The following SCN9A variants were observed in gnomAD, a reference collection of about 807,000 sequenced individuals.
The protein encoded by SCN9A is sodium channel protein type 9 subunit alpha.
In SCN9A, 131 loss-of-function variants were observed where a neutral mutation model predicts 187.0. The observed-to-expected ratio is 0.70, with a 90% confidence interval of 0.61 to 0.81. The LOEUF (loss-of-function observed/expected upper bound fraction) is 0.81, where lower values mean the gene tolerates loss of function less well. Among genes scored for constraint, SCN9A ranks in the 30% least tolerant of loss-of-function variants. The pLI is 0.00. For missense variants in SCN9A, 2,252 were observed against 2,396.6 expected, an observed-to-expected ratio of 0.94 and a Z score of 1.26; for synonymous variants, 809 against 808.6, an observed-to-expected ratio of 1.00 and a Z score of -0.01.
intron 1 of SCN9A, among the ~76,000 whole-genome samples, chr2:166,347,609 G>C (rs886940822): frequency 1.3e-5 from 2 of 152,184 alleles, no homozygotes; most frequent in Non-Finnish European, 1.5e-5. Flanking sequence ...TAAATGCTTT[G>C]TAATTAACTA....
intron 24 of SCN9A, among the ~76,000 whole-genome samples, chr2:166,217,294 C>G (rs898390311): frequency 1.1e-4 from 17 of 152,026 alleles, no homozygotes; most frequent in African/African-American, 4.1e-4. Context: ...TGACATTTAT[C>G]TGGGCAAGGA....
intron 1 of SCN9A, among the ~76,000 whole-genome samples, chr2:166,330,380 T>C (rs1364014409): frequency 6.6e-6 from 1 of 152,232 alleles, no homozygotes; most frequent in African/African-American, 2.4e-5. Context: ...GAAAATTGAA[T>C]ATTGTACACA....
At chr2:166,363,678 A>G (rs887558227) in intron 1 of SCN9A, among the ~76,000 whole-genome samples, 1 of 152,096 alleles carries the variant, frequency 6.6e-6, no homozygotes, top group Non-Finnish European at 1.5e-5. Context: ...TCTACGAATT[A>G]TATAGGAATT....
intron 1 of SCN9A, among the ~76,000 whole-genome samples, chr2:166,318,633 T>C (rs1436174436): frequency 6.6e-6 from 1 of 152,026 alleles, no homozygotes; most frequent in Non-Finnish European, 1.5e-5. Context: ...AGGTCATGCT[T>C]TGTGAAACAA....
chr2:166,269,832 C>T (rs763954447), intron 17 of SCN9A, among the ~76,000 whole-genome samples: 15 of 152,050 alleles, frequency 9.9e-5, no homozygotes, highest in African/African-American at 1.4e-4. Flanking sequence ...CTTTGGTTGA[C>T]TTTCCCCAGC....
At chr2:166,237,622 T>C (rs543065307) in intron 20 of SCN9A, among the ~76,000 whole-genome samples, 1 of 152,282 alleles carries the variant, frequency 6.6e-6, no homozygotes, top group Admixed American at 6.5e-5. Flanking sequence ...ATTTGTATAA[T>C]GATTTTTAGA....
intron 14 of SCN9A, among the ~76,000 whole-genome samples, chr2:166,279,087 C>CT (rs1438082044): frequency 6.7e-6 from 1 of 149,640 alleles, no homozygotes; most frequent in East Asian, 1.9e-4. Flanking sequence ...CAGGTAAATC[C>CT]TTTCTGAGTT....
At chr2:166,214,256 GT>G (rs779639138) in intron 24 of SCN9A, among the ~76,000 whole-genome samples, 2 of 151,992 alleles carry the variant, frequency 1.3e-5, no homozygotes, top group Non-Finnish European at 2.9e-5. Flanking sequence ...ACGATGGGGG[GT>G]TTTGAACTGC....
intron 16 of SCN9A, among the ~76,000 whole-genome samples, chr2:166,275,497 T>A (rs1227336967): frequency 6.6e-6 from 1 of 151,804 alleles, no homozygotes; most frequent in Non-Finnish European, 1.5e-5. Context: ...GGCAGAAGAA[T>A]TGCTTGAACC....
At chr2:166,317,848 A>G (rs1459062009) in intron 1 of SCN9A, among the ~76,000 whole-genome samples, 1 of 152,130 alleles carries the variant, frequency 6.6e-6, no homozygotes, top group Admixed American at 6.6e-5. Flanking sequence ...ATCACTAAAA[A>G]CCAGAGGAAG....
chr2:166,293,156 C>G, intron 9 of SCN9A, 75 bp downstream of exon 9: 1 of 1,354,180 alleles, frequency 7.4e-7, no homozygotes, highest in Non-Finnish European at 1.0e-6. Context: ...AAAAAACCTC[C>G]TAATACAGGC....
At chr2:166,335,849 C>CCG (rs1574938474) in intron 1 of SCN9A, among the ~76,000 whole-genome samples, 4 of 152,014 alleles carry the variant, frequency 2.6e-5, no homozygotes, top group African/African-American at 9.7e-5. Flanking sequence ...GGCTTAAAGA[C>CCG]CATTCTTTTC....
At chr2:166,309,926 G>C (rs1574911133) in intron 2 of SCN9A, among the ~76,000 whole-genome samples, 3 of 141,082 alleles carry the variant, frequency 2.1e-5, no homozygotes. Context: ...GAACAGAACA[G>C]AGCCCTCAGA....
At chr2:166,303,800 G>A (rs1029370271) in intron 6 of SCN9A, among the ~76,000 whole-genome samples, 2 of 152,024 alleles carry the variant, frequency 1.3e-5, no homozygotes, top group African/African-American at 2.4e-5. Context: ...ATAAGCAAAT[G>A]GAAAAACAAA....
chr2:166,287,394 TA>T (rs199678606), intron 10 of SCN9A, among the ~76,000 whole-genome samples: 6,292 of 152,124 alleles, frequency 0.041, 389 homozygotes, highest in African/African-American at 0.13. Context: ...AAAATAATTT[TA>T]AAAAAACACA....
intron 12 of SCN9A, 95 bp downstream of exon 12, chr2:166,284,358 C>T: frequency 7.2e-7 from 1 of 1,396,514 alleles, no homozygotes; most frequent in Non-Finnish European, 9.8e-7. Context: ...AAATGCAGAG[C>T]CATTCACAAG....
At position 166,300,808 on chromosome 2, in the gene SCN9A, T is replaced by A. The variant is rs370134807; in HGVS notation, c.901+2282A>T. The A allele has an allele frequency of 3.3e-5, 5 of 151,026 alleles. No individual in the cohort carries two copies. In the South Asian group the frequency reaches 1.0e-3, roughly 31 times the overall value. The allele number at this position is 151,026 out of a possible 1,614,324, so 9.4% of individuals were successfully genotyped here. ...ACAGATTTGGAAGACAGGATTGTGG[T>A]ATAAGATTCATTATTAGCTAATTGT... is the stretch of plus-strand genomic sequence containing the variant. On this transcript the variant is annotated intron_variant, in intron 7 of 26. Coordinates refer to ENST00000642356, the MANE Select transcript of SCN9A (RefSeq NM_001365536.1).
At chr2:166,354,623 G>A (rs1700110772) in intron 1 of SCN9A, among the ~76,000 whole-genome samples, 1 of 152,086 alleles carries the variant, frequency 6.6e-6, no homozygotes, top group African/African-American at 2.4e-5. Flanking sequence ...ATCCAACAAA[G>A]CGATCAAGTA....
chr2:166,367,035 G>A (rs1327244659), intron 1 of SCN9A, among the ~76,000 whole-genome samples: 2 of 152,202 alleles, frequency 1.3e-5, no homozygotes, highest in East Asian at 1.9e-4. Context: ...GGTTTCATTT[G>A]TGTGTATCAA....
Sources: gnomAD v4.1 joint callset for allele counts (sites outside exome capture counted in the v4.1 genomes callset) on GRCh38, gnomAD v4.1.1 for gene constraint, MANE v1.5 for transcripts, NCBI Gene and HGNC (gene_info 2026-07-23, HGNC 2026-07-21) for gene names.